Variants in MPDZ observed in about 807,000 individuals in gnomAD.
MPDZ encodes multiple PDZ domain crumbs cell polarity complex component, also known as multiple PDZ domain protein.
In MPDZ, 234 loss-of-function variants were observed where a neutral mutation model predicts 239.1. That is an observed-to-expected ratio of 0.98 (90% confidence interval 0.88 to 1.09). MPDZ has a LOEUF of 1.09. Ranked by LOEUF, MPDZ falls within the 50% of genes least tolerant of loss-of-function variation. MPDZ has a pLI of 0.00. For synonymous variants in MPDZ, 1,048 were observed against 881.3 expected, an observed-to-expected ratio of 1.19 and a Z score of -3.35; for missense variants, 3,175 against 2,510.0, an observed-to-expected ratio of 1.26 and a Z score of -5.66.
At chr9:13,218,192 T>C (rs1366479688) in intron 8 of MPDZ, among the ~76,000 whole-genome samples, 1 of 151,902 alleles carries the variant, frequency 6.6e-6, no homozygotes, top group Admixed American at 6.6e-5. Flanking sequence ...GATTTATTTT[T>C]TTCATTGCAC....
intron 12 of MPDZ, 122 bp from the exon 13 acceptor site, chr9:13,196,352 A>C: frequency 1.8e-6 from 1 of 564,714 alleles, no homozygotes; most frequent in Non-Finnish European, 3.1e-6. Flanking sequence ...CGCCCAATAT[A>C]TGGGCTATTC....
intron 24 of MPDZ, among the ~76,000 whole-genome samples, chr9:13,151,840 GTTAA>G (rs1274340115): frequency 6.6e-6 from 1 of 151,810 alleles, no homozygotes; most frequent in African/African-American, 2.4e-5. Context: ...TGTCATATAT[GTTAA>G]TTTTTACAAA....
chr9:13,190,458 G>A lies in MPDZ; in HGVS notation c.1969-159C>T, dbSNP rs191612302. 6.7e-4 allele frequency among the ~76,000 whole-genome samples: 102 copies of A among 152,280 alleles called. 1 individual carries two copies. The highest frequency in any genetic ancestry group is 2.1e-3 in the African/African-American group (87 of 41,560). The stretch of plus-strand genomic sequence containing the variant: ...CATGAAACCTTTAGGAATTAAGGTA[G>A]TAATTACTGAAAGTTGTTAAGAAGG... On this transcript the variant is annotated intron_variant, in intron 15 of 46. Transcript: ENST00000319217.
chr9:13,214,496 G>A (rs1958032031), intron 10 of MPDZ, among the ~76,000 whole-genome samples: 1 of 151,938 alleles, frequency 6.6e-6, no homozygotes, highest in Admixed American at 6.6e-5. Flanking sequence ...ATTCACCATG[G>A]TAGTGAACGC....
intron 3 of MPDZ, among the ~76,000 whole-genome samples, chr9:13,237,971 T>C (rs538969569): frequency 6.6e-6 from 1 of 152,206 alleles, no homozygotes. Context: ...GATTTTCCTG[T>C]AGTAGAGAGT....
At chr9:13,231,113 C>G (rs1036682879) in intron 3 of MPDZ, among the ~76,000 whole-genome samples, 3 of 151,966 alleles carry the variant, frequency 2.0e-5, no homozygotes, top group African/African-American at 7.2e-5. Flanking sequence ...TGATAAACCT[C>G]TAACAATACT....
chr9:13,144,243 A>G (rs1443506055), intron 26 of MPDZ, among the ~76,000 whole-genome samples: 1 of 151,986 alleles, frequency 6.6e-6, no homozygotes, highest in African/African-American at 2.4e-5. Context: ...AAAATTGCCC[A>G]TATTACTGGA....
intron 39 of MPDZ, among the ~76,000 whole-genome samples, chr9:13,118,583 A>C (rs1943855866): frequency 6.6e-6 from 1 of 152,212 alleles, no homozygotes; most frequent in Non-Finnish European, 1.5e-5. Context: ...TTTCTAGTCA[A>C]TGTTGAATTA....
chr9:13,158,661 C>T (rs1169097227), intron 23 of MPDZ, among the ~76,000 whole-genome samples: 2 of 152,136 alleles, frequency 1.3e-5, no homozygotes, highest in Non-Finnish European at 2.9e-5. Flanking sequence ...TCCAGAGGAA[C>T]CTGGCACAGA....
Position 13,106,870 on chromosome 9 carries a change from G to T in MPDZ, c.*95C>A. The T allele has an allele frequency of 7.1e-7, 1 of 1,398,864 alleles. No homozygotes were observed. The highest frequency in any genetic ancestry group is 2.3e-5 in the East Asian group (1 of 42,764). The allele number at this position is 1,398,864 out of a possible 1,614,324, so 86.7% of individuals were successfully genotyped here. A position where few individuals can be genotyped will look rare whatever the true frequency, so the allele number is the denominator to read the frequency against. On this transcript the variant is annotated 3_prime_UTR_variant, in exon 47 of 47. Transcript: ENST00000319217. ...TTCCCCCCTACAGTTTTGAAGACCC[G>T]GCTGAACACAGCATAAAAATTGTCA...
chr9:13,229,858 T>G (rs1961849718), intron 3 of MPDZ, among the ~76,000 whole-genome samples: 1 of 152,108 alleles, frequency 6.6e-6, no homozygotes, highest in Non-Finnish European at 1.5e-5. Flanking sequence ...TAAATAAAGT[T>G]GAAGTGTTTT....
chr9:13,131,891 T>C (rs1356275469), intron 32 of MPDZ, among the ~76,000 whole-genome samples: 14 of 152,312 alleles, frequency 9.2e-5, no homozygotes, highest in Admixed American at 4.6e-4. Flanking sequence ...GGCTTGCCTA[T>C]TGCCCAGAGA....
chr9:13,249,180 A>T (rs1338844392), intron 2 of MPDZ, among the ~76,000 whole-genome samples: 1 of 151,796 alleles, frequency 6.6e-6, no homozygotes, highest in African/African-American at 2.4e-5. Context: ...GAATTTTAAA[A>T]ATAAATGATA....
intron 27 of MPDZ, among the ~76,000 whole-genome samples, chr9:13,142,660 T>G (rs1368485590): frequency 6.6e-6 from 1 of 152,074 alleles, no homozygotes; most frequent in Non-Finnish European, 1.5e-5. Flanking sequence ...AAGGGTTAGT[T>G]GGGGAACAAT....
chr9:13,184,406 T>C (rs148274394), intron 18 of MPDZ, among the ~76,000 whole-genome samples: 1 of 151,978 alleles, frequency 6.6e-6, no homozygotes, highest in Admixed American at 6.6e-5. Flanking sequence ...CAAAATTCCA[T>C]ATGTTCTAAT....
intron 27 of MPDZ, among the ~76,000 whole-genome samples, chr9:13,142,999 C>T (rs1317644230): frequency 1.3e-5 from 2 of 152,046 alleles, no homozygotes; most frequent in Non-Finnish European, 1.5e-5. Context: ...GGGCATGCTT[C>T]ATGAATATTC....
chr9:13,121,627 C>T (rs1392446657), intron 38 of MPDZ, 112 bp downstream of exon 38: 4 of 1,078,256 alleles, frequency 3.7e-6, no homozygotes, highest in Admixed American at 4.0e-5. Flanking sequence ...ACAACAGCTA[C>T]CTACTGAACA....
At chr9:13,155,827 C>A (rs1199860001) in intron 24 of MPDZ, among the ~76,000 whole-genome samples, 8 of 152,118 alleles carry the variant, frequency 5.3e-5, no homozygotes, top group Non-Finnish European at 1.2e-4. Flanking sequence ...CTATGAACTT[C>A]CCCTAGAAGT....
chr9:13,228,123 A>T (rs1961210189), intron 3 of MPDZ, among the ~76,000 whole-genome samples: 1 of 152,120 alleles, frequency 6.6e-6, no homozygotes, highest in South Asian at 2.1e-4. Flanking sequence ...GAAAACATAA[A>T]TATCTGGCAA....
Sources: allele counts gnomAD v4.1 joint callset (sites outside exome capture counted in the v4.1 genomes callset), GRCh38; gene constraint gnomAD v4.1.1; transcripts MANE v1.5; gene names NCBI Gene and HGNC (gene_info 2026-07-23, HGNC 2026-07-21).